SMPD4: variants seen among roughly 807,000 people sequenced by gnomAD.
The protein encoded by SMPD4 is sphingomyelin phosphodiesterase 4.
Under a neutral mutation model 97.8 loss-of-function variants are expected in SMPD4, and 58 were observed. That is an observed-to-expected ratio of 0.59 (90% confidence interval 0.48 to 0.74). The LOEUF (loss-of-function observed/expected upper bound fraction) is 0.74, where lower values mean the gene tolerates loss of function less well. Ranked by LOEUF, SMPD4 falls within the 30% of genes least tolerant of loss-of-function variation. The probability of loss-of-function intolerance (pLI) is 0.00; values close to 1 mark genes in which losing one functional copy is unlikely to be tolerated. For synonymous variants in SMPD4, 388 were observed against 450.0 expected (o/e 0.86, Z 1.74); for missense variants, 853 against 1,080.5 (o/e 0.79, Z 2.95).
chr2:130,153,216 C>T (rs1221861956), intron 18 of SMPD4, 45 bp from the exon 19 acceptor site: 1 of 1,613,452 alleles, frequency 6.2e-7, no homozygotes, highest in Non-Finnish European at 8.5e-7. Flanking sequence ...CACAGCCCCA[C>T]ACACAACTCA....
rs1242443392 is a variant in SMPD4, at chr2:130,151,810, G to A, written c.*745C>T. On this transcript the variant is annotated 3_prime_UTR_variant, in exon 20 of 20. Transcript: ENST00000680298. ...GAAACTGGCAGAATCCGACCCCATC[G>A]ACCCAGCAGTGTCCCCAACGCCTGA... 3.3e-5 allele frequency: 5 copies of A among 151,408 alleles called. No homozygotes were observed. Among genetic ancestry groups the A allele is most frequent in the African/African-American group, 1.2e-4 (5 of 41,026 alleles). 9.4% of individuals were successfully genotyped at this position (151,408 alleles called of 1,614,324 possible). A position where few individuals can be genotyped will look rare whatever the true frequency, so the allele number is the denominator to read the frequency against.
In SMPD4 at chr2:130,172,804, C is replaced by T. The variant is rs138814667; in HGVS notation, c.437G>A (p.Gly146Asp). The change falls in exon 6 of 20, where the codon GGT becomes GAT. Residue 146 changes from glycine to aspartate, a missense_variant. Coordinates refer to ENST00000680298, the MANE Select transcript of SMPD4 (RefSeq NM_017951.5). The stretch of plus-strand genomic sequence containing the variant: ...AAGGATACTCAGGGCCAAGTTCAGA[C>T]CAAGGCCCCCAGTAGGGGTGAACTG... ...KVQFTPTGGL[G>D]LNLALNPFEY... The T allele has an allele frequency of 4.3e-6, 7 of 1,614,080 alleles. No individual in the cohort carries two copies. Among genetic ancestry groups the T allele is most frequent in the African/African-American group, 1.3e-5 (1 of 74,936 alleles).
In SMPD4 at chr2:130,153,404, G is replaced by A. The variant is rs1171551485; in HGVS notation, c.1940C>T (p.Thr647Ile). Reference sequence around the variant, plus strand: ...TTGCTTTTTTCCATTCTCATCCTGGGTGGTGCCCAAGGCGAGTGTGAACTG... The same window carrying A: ...TTGCTTTTTTCCATTCTCATCCTGGATGGTGCCCAAGGCGAGTGTGAACTG... ...LRQFTLALGT[T>I]QDENGKKQLP... The change falls in exon 18 of 20, where the codon ACC becomes ATC. Residue 647 changes from threonine to isoleucine, a missense_variant. This residue lies in a region of SMPD4 where 511 missense variants were observed against 608.1 expected (regional missense o/e 0.84). Transcript: ENST00000680298. The A allele has an allele frequency of 8.1e-6, 13 of 1,613,912 alleles. No individual in the cohort carries two copies. Among genetic ancestry groups the A allele is most frequent in the Non-Finnish European group, 1.0e-5 (12 of 1,180,010 alleles).
In SMPD4 at chr2:130,167,572, A is replaced by C. The variant is rs1314109860; in HGVS notation, c.678T>G (p.Phe226Leu). Reference sequence around the variant, plus strand: ...TAGTGTGGTGGAGGCCATAGGAAGCAAAGGGTATGGCTGGTGTCCTGAGGG... The same window carrying C: ...TAGTGTGGTGGAGGCCATAGGAAGCCAAGGGTATGGCTGGTGTCCTGAGGG... ...SPPPRTPAIP[F>L]ASYGLHHTSL... The change falls in exon 9 of 20, where the codon TTT becomes TTG. Residue 226 changes from phenylalanine to leucine, a missense_variant. By Grantham distance (22) the Phe-to-Leu change is conservative (BLOSUM62 0). Transcript: ENST00000680298. 1 of 1,612,312 alleles carries C rather than the reference A, an allele frequency of 6.2e-7. No individual in the cohort carries two copies. Among genetic ancestry groups the C allele is most frequent in the Non-Finnish European group, 8.5e-7 (1 of 1,178,860 alleles).
intron 8 of SMPD4, among the ~76,000 whole-genome samples, chr2:130,170,871 G>A (rs1051588068): frequency 6.6e-6 from 1 of 151,782 alleles, no homozygotes; most frequent in Non-Finnish European, 1.5e-5. Flanking sequence ...GGCCAGCCTG[G>A]CCAACATGGT....
Position 130,151,664 on chromosome 2 carries a change from TG to T in SMPD4, c.*890del, listed in dbSNP as rs563418526. 4.8e-3 allele frequency: 719 copies of T among 148,832 alleles called. 4 individuals are homozygous for T. Among genetic ancestry groups the T allele is most frequent in the African/African-American group, 0.017 (679 of 39,752 alleles). The allele number at this position is 148,832 out of a possible 1,614,324, so 9.2% of individuals were successfully genotyped here. A position where few individuals can be genotyped will look rare whatever the true frequency, so the allele number is the denominator to read the frequency against. On this transcript the variant is annotated 3_prime_UTR_variant, in exon 20 of 20. Coordinates refer to ENST00000680298, the MANE Select transcript of SMPD4 (RefSeq NM_017951.5). Reference sequence around the variant, plus strand: ...AAGGTGAAGACCCCGTGCTGGTTTCTGTCAGAGAATCTGTAGTTGTATATTT... The same window carrying T: ...AAGGTGAAGACCCCGTGCTGGTTTCTTCAGAGAATCTGTAGTTGTATATTT...
chr2:130,172,842 G>A lies in SMPD4; in HGVS notation c.399C>T (p.Tyr133=). 6.2e-7 allele frequency: 1 copy of A among 1,614,086 alleles called. No homozygotes were observed. Among genetic ancestry groups the A allele is most frequent in the East Asian group, 2.2e-5 (1 of 44,864 alleles). Residue 133 remains tyrosine (Y), a synonymous_variant, in exon 6 of 20, where the codon TAC becomes TAT. Coordinates refer to ENST00000680298, the MANE Select transcript of SMPD4 (RefSeq NM_017951.5). ...QECILPDSPL[Y]HNKVQFTPTG... ...TAGGGGTGAACTGGACCTTGTTGTG[G>A]TACAGAGGACTGTCAGGGAGGATGC...
chr2:130,159,043 G>A (rs765706034), intron 11 of SMPD4, among the ~76,000 whole-genome samples: 16 of 152,042 alleles, frequency 1.1e-4, no homozygotes, highest in Non-Finnish European at 2.4e-4. Context: ...TCTGTCACCC[G>A]CGCTGTAGTG....
intron 1 of SMPD4, among the ~76,000 whole-genome samples, chr2:130,181,085 C>G (rs1379736273): frequency 1.3e-5 from 2 of 152,188 alleles, no homozygotes; most frequent in African/African-American, 4.8e-5. Flanking sequence ...ACAGCACGCG[C>G]CCACTTGTTC....
chr2:130,172,747 C>A (rs1271639077), intron 6 of SMPD4, 40 bp downstream of exon 6: 3 of 1,613,982 alleles, frequency 1.9e-6, no homozygotes, highest in Non-Finnish European at 2.5e-6. Context: ...AAGTGCTGGG[C>A]CACCCACAGC....
Position 130,172,695 on chromosome 2 carries a change from G to A in SMPD4, c.455-18C>T. 1 of 1,614,186 alleles carries A rather than the reference G, an allele frequency of 6.2e-7. No individual in the cohort carries two copies. Among genetic ancestry groups the A allele is most frequent in the South Asian group, 1.1e-5 (1 of 91,086 alleles). On this transcript the variant is annotated intron_variant, in intron 6 of 19. Transcript: ENST00000680298. Reference sequence around the variant, plus strand: ...GAACGGATCTGAGAGCAGCGTCAGGGGCAAACATGCAGGGTTGATGAGCCA... The same window carrying A: ...GAACGGATCTGAGAGCAGCGTCAGGAGCAAACATGCAGGGTTGATGAGCCA...
chr2:130,157,388 G>C lies in SMPD4; in HGVS notation c.960C>G (p.Phe320Leu). ...CCAACACATGCTCCTCAGTAGGCGT[G>C]AACGACTCCTGGGTGGAGAAGGAGG... is the stretch of plus-strand genomic sequence containing the variant. ...LQALHAYQES[F>L]TPTEEHVLVV... Residue 320 changes from phenylalanine (F) to leucine (L), a missense_variant, in exon 12 of 20, where the codon TTC becomes TTG. Phe to Leu is a conservative substitution (Grantham distance 22, BLOSUM62 0). This residue lies in a region of SMPD4 where 313 missense variants were observed against 402.2 expected (regional missense o/e 0.78). Transcript: ENST00000680298. The C allele has an allele frequency of 1.2e-6, 2 of 1,610,440 alleles. No individual in the cohort carries two copies. The highest frequency in any genetic ancestry group is 1.7e-6 in the Non-Finnish European group (2 of 1,179,162).
Position 130,172,782 on chromosome 2 carries a change from G to C in SMPD4, c.454+5C>G, listed in dbSNP as rs751345243. 6.2e-7 allele frequency: 1 copy of C among 1,614,168 alleles called. No homozygotes were observed. ...CCTCCCTACCTCAGGGCCACCAAAG[G>C]ATACTCAGGGCCAAGTTCAGACCAA... On this transcript the variant is annotated splice_donor_5th_base_variant and intron_variant, in intron 6 of 19. Coordinates refer to ENST00000680298, the MANE Select transcript of SMPD4 (RefSeq NM_017951.5).
At chr2:130,155,050 C>G in intron 15 of SMPD4, 46 bp downstream of exon 15, 1 of 1,606,916 alleles carries the variant, frequency 6.2e-7, no homozygotes, top group Non-Finnish European at 8.5e-7. Context: ...TGGCCCTGGT[C>G]TGGCTGGGTT....
In SMPD4 at chr2:130,160,662, C is replaced by T. The variant is rs1345771028; in HGVS notation, c.951+524G>A. Among the ~76,000 whole-genome samples, 4 of 141,642 alleles carry T rather than the reference C, an allele frequency of 2.8e-5. No individual in the cohort carries two copies. In the Admixed American group the frequency reaches 2.9e-4, roughly 10 times the overall value. 92.9% of individuals were successfully genotyped at this position (141,642 alleles called of 152,430 possible). ...TGACAGCTTCTGTGGGCTATAGGGT[C>T]AAGCCCCAGGTCCTTCCCACCCCCT... On this transcript the variant is annotated intron_variant, in intron 11 of 19. Coordinates refer to ENST00000680298, the MANE Select transcript of SMPD4 (RefSeq NM_017951.5).
chr2:130,180,551 G>A (rs1477332338), intron 1 of SMPD4, among the ~76,000 whole-genome samples: 5 of 152,222 alleles, frequency 3.3e-5, no homozygotes, highest in African/African-American at 1.2e-4. Flanking sequence ...GATTACAGGC[G>A]TGAGTCACCG....
chr2:130,177,319 C>T (rs906326974), intron 1 of SMPD4, among the ~76,000 whole-genome samples: 12 of 152,132 alleles, frequency 7.9e-5, no homozygotes, highest in African/African-American at 2.4e-4. Context: ...CAGACTCAAG[C>T]GAACTATCCG....
chr2:130,153,907 T>C lies in SMPD4; in HGVS notation c.1688A>G (p.Gln563Arg), dbSNP rs576579540. Reference protein sequence around the residue: ...LVLRLAQLITQAKHTAKSISD... With the variant: ...LVLRLAQLITRAKHTAKSISD... ...GATGGACTTGGCTGTGTGTTTGGCC[T>C]GTGTGATGAGCTGAGCGAGGCGCAG... The change falls in exon 17 of 20, where the codon CAG becomes CGG. Residue 563 changes from glutamine (Q) to arginine (R), a missense_variant. By Grantham distance (43) the Gln-to-Arg change is conservative. This residue lies in a region of SMPD4 where 511 missense variants were observed against 608.1 expected (regional missense o/e 0.84). Transcript: ENST00000680298. 3 of 1,613,798 alleles carry C rather than the reference T, an allele frequency of 1.9e-6. No individual in the cohort carries two copies. The highest frequency in any genetic ancestry group is 2.5e-6 in the Non-Finnish European group (3 of 1,179,862).
intron 8 of SMPD4, among the ~76,000 whole-genome samples, chr2:130,168,716 ATTT>A (rs915101871): frequency 9.8e-5 from 13 of 132,842 alleles, no homozygotes; most frequent in South Asian, 2.5e-4. Flanking sequence ...GGCACTATTA[ATTT>A]TTTTTTTTTT....
Sources: gnomAD v4.1 joint callset for allele counts (sites outside exome capture counted in the v4.1 genomes callset) on GRCh38, gnomAD v4.1.1 for gene constraint, gnomAD v4.1.1 regional missense constraint, MANE v1.5 for transcripts, NCBI Gene and HGNC (gene_info 2026-07-23, HGNC 2026-07-21) for gene names.